The following SLC4A1 variants were observed in gnomAD, a reference collection of about 807,000 sequenced individuals.
SLC4A1 encodes solute carrier family 4 member 1 (Diego blood group).
In SLC4A1, 29 loss-of-function variants were observed where a neutral mutation model predicts 93.1. The ratio of observed to expected loss-of-function variants is 0.31; its 90% confidence interval spans 0.23 to 0.42. SLC4A1 has a LOEUF of 0.42. SLC4A1 is among the 20% of genes least tolerant of loss of function. SLC4A1 has a pLI of 1.00. For missense variants in SLC4A1, 965 were observed against 1,190.1 expected (o/e 0.81, Z 2.78); for synonymous variants, 469 against 497.2 (o/e 0.94, Z 0.76).
Position 44,259,271 on chromosome 17 carries a change from C to T in SLC4A1, c.768G>A (p.Val256=), listed in dbSNP as rs1304547781. The T allele has an allele frequency of 1.1e-5, 18 of 1,613,944 alleles. No homozygotes were observed. Among genetic ancestry groups the T allele is most frequent in the Non-Finnish European group, 1.5e-5 (18 of 1,180,040 alleles). Residue 256 remains valine, a synonymous_variant, in exon 9 of 20, where the codon GTG becomes GTA. Transcript: ENST00000262418. ...GGAAGCGTATAGGCACCGGCAGCTC[C>T]ACCGCCTCCAGCTCCGCTGCCTCCT... ...RLQEAAELEA[V]ELPVPIRFLF... is the part of the protein sequence containing the mutation.
At chr17:44,253,596 C>T (rs2047362449) in intron 16 of SLC4A1, among the ~76,000 whole-genome samples, 1 of 149,924 alleles carries the variant, frequency 6.7e-6, no homozygotes, top group Non-Finnish European at 1.5e-5. Flanking sequence ...AACGAAGCTT[C>T]AGCTTCAGGG....
rs1219684112 is a variant in SLC4A1 at position 44,257,706 on chromosome 17, C to A, written c.1384G>T (p.Val462Phe). 6.2e-7 allele frequency: 1 copy of A among 1,613,986 alleles called. No individual in the cohort carries two copies. Among genetic ancestry groups the A allele is most frequent in the South Asian group, 1.1e-5 (1 of 91,068 alleles). ...ACCAGCAGGGGTCCTGAGAAGCCGA[C>A]CACAAGCAGGGGCTGAGCCCCCAGC... is the stretch of plus-strand genomic sequence containing the variant. The part of the protein sequence containing the change: ...ALLGAQPLLV[V>F]GFSGPLLVFE... Residue 462 changes from valine (V) to phenylalanine (F), a missense_variant, in exon 12 of 20, where the codon GTC (valine) becomes TTC (phenylalanine). Around this residue, in one of 2 missense-constraint regions of SLC4A1, gnomAD observed 770 missense variants for 1,006.6 expected, o/e 0.76. Transcript: ENST00000262418.
At position 44,259,056 on chromosome 17, in the gene SLC4A1, G is replaced by A. The variant is rs2521602; in HGVS notation, c.876+107C>T. 31,797 of 1,199,730 alleles carry A rather than the reference G, an allele frequency of 0.027. 669 individuals carry two copies. The highest frequency in any genetic ancestry group is 0.079 in the East Asian group (3,135 of 39,924). 74.3% of individuals were successfully genotyped at this position (1,199,730 alleles called of 1,614,324 possible). A position where few individuals can be genotyped will look rare whatever the true frequency, so the allele number is the denominator to read the frequency against. On this transcript the variant is annotated intron_variant, in intron 9 of 19. Coordinates refer to ENST00000262418, the MANE Select transcript of SLC4A1 (RefSeq NM_000342.4). ...GCAGCAGCTGGATTAGGCTGAATGG[G>A]TCAAACCAGTGAACCTAAAGTAACC...
intron 6 of SLC4A1, 123 bp downstream of exon 6, chr17:44,260,281 G>A (rs997960655): frequency 3.7e-5 from 46 of 1,253,284 alleles, no homozygotes; most frequent in Non-Finnish European, 1.5e-5. Flanking sequence ...CCATAGTGGA[G>A]GAAAGTGGGC....
chr17:44,255,307 G>A lies in SLC4A1; in HGVS notation c.1801-11C>T, dbSNP rs1179419467. ...GATGACCCGACGCAGCTGGGGGCAG[G>A]TGAAAGGACCAGTGGTCAGTGCCCA... On this transcript the variant is annotated splice_polypyrimidine_tract_variant and intron_variant, in intron 14 of 19. Coordinates refer to ENST00000262418, the MANE Select transcript of SLC4A1 (RefSeq NM_000342.4). 3 of 1,550,602 alleles carry A rather than the reference G, an allele frequency of 1.9e-6. No homozygotes were observed. Among genetic ancestry groups the A allele is most frequent in the East Asian group, 2.4e-5 (1 of 41,336 alleles).
intron 1 of SLC4A1, among the ~76,000 whole-genome samples, chr17:44,264,724 A>C (rs935102607): frequency 4.6e-5 from 7 of 152,112 alleles, no homozygotes; most frequent in African/African-American, 1.7e-4. Flanking sequence ...CCCAGCCAAG[A>C]GGCCTCTGAG....
chr17:44,268,080 G>A lies in SLC4A1; in HGVS notation c.-95C>T. ...TGCTCACGAGCCTCAGGGTCCCTTG[G>A]TGAAGTCCTGCAGCCGCTGGTGCCC... On this transcript the variant is annotated 5_prime_UTR_variant, in exon 1 of 20. Coordinates refer to ENST00000262418, the MANE Select transcript of SLC4A1 (RefSeq NM_000342.4). 2.0e-6 allele frequency: 2 copies of A among 985,522 alleles called. No homozygotes were observed. Among genetic ancestry groups the A allele is most frequent in the Non-Finnish European group, 2.4e-6 (2 of 830,074 alleles). 61.0% of individuals were successfully genotyped at this position (985,522 alleles called of 1,614,324 possible). A position where few individuals can be genotyped will look rare whatever the true frequency, so the allele number is the denominator to read the frequency against.
Position 44,260,670 on chromosome 17 carries a change from C to G in SLC4A1, c.314G>C (p.Trp105Ser). 1 of 1,614,174 alleles carries G rather than the reference C, an allele frequency of 6.2e-7. No homozygotes were observed. Among genetic ancestry groups the G allele is most frequent in the South Asian group, 1.1e-5 (1 of 91,084 alleles). Residue 105 changes from tryptophan (W) to serine (S), a missense_variant, in exon 5 of 20, where the codon TGG (tryptophan) becomes TCG (serine). Physicochemically the swap from Trp to Ser is radical, Grantham distance 177 (BLOSUM62 -3). Transcript: ENST00000262418. ...GACTCTACGCAGCTCTAGGAGGCTC[C>G]AGAAGGTGAGGTGAGAGAGGTGCGG... ...GRPHLSHLTF[W>S]SLLELRRVFT... is the part of the protein sequence containing the mutation.
chr17:44,259,627 C>T (rs781060353), intron 7 of SLC4A1, 46 bp from the exon 8 acceptor site: 4 of 1,543,872 alleles, frequency 2.6e-6, no homozygotes, highest in Non-Finnish European at 3.6e-6. Context: ...CCAGTCTGAC[C>T]TGGGAGACCT....
rs761222442 is a variant in SLC4A1 at position 44,258,477 on chromosome 17, C to A, written c.1023G>T (p.Glu341Asp). 1 of 1,614,040 alleles carries A rather than the reference C, an allele frequency of 6.2e-7. No homozygotes were observed. The highest frequency in any genetic ancestry group is 1.1e-5 in the South Asian group (1 of 91,086). The part of the protein sequence containing the change: ...ALLSLVPVQR[E>D]LLRRRYQSSP... The stretch of plus-strand genomic sequence containing the variant: ...TGGACTGATAGCGCCTTCGAAGTAG[C>A]TCCCTCTGCACAGGCACCAGACTGA... Residue 341 changes from glutamate (E) to aspartate (D), a missense_variant, in exon 10 of 20, where the codon GAG becomes GAT. Transcript: ENST00000262418. The surrounding 1 kb of genome is among the most constrained non-coding windows in gnomAD (Gnocchi z 6.1).
intron 11 of SLC4A1, 77 bp downstream of exon 11, chr17:44,257,909 C>G: frequency 6.2e-7 from 1 of 1,607,494 alleles, no homozygotes; most frequent in Non-Finnish European, 8.5e-7. Flanking sequence ...GAGGGTCAGA[C>G]AGAGTCAGAA....
chr17:44,257,617 G>A lies in SLC4A1; in HGVS notation c.1431+42C>T, dbSNP rs373408295. On this transcript the variant is annotated intron_variant, in intron 12 of 19. Transcript: ENST00000262418. ...AGGCACCATGCATCAGGCAGGTGGT[G>A]CGGGGGACATGACAGGGTCAGTGGG... 5.0e-5 allele frequency: 81 copies of A among 1,613,318 alleles called. No individual in the cohort carries two copies. In the African/African-American group the frequency reaches 9.5e-4, roughly 19 times the overall value.
chr17:44,250,567 G>A (rs779539610), intron 19 of SLC4A1, 29 bp from the exon 20 acceptor site: 2 of 1,587,968 alleles, frequency 1.3e-6, no homozygotes, highest in African/African-American at 1.3e-5. Context: ...AGAGAGACAG[G>A]GTGAGAGACC....
intron 1 of SLC4A1, among the ~76,000 whole-genome samples, chr17:44,266,504 G>A (rs1169359453): frequency 6.6e-6 from 1 of 152,204 alleles, no homozygotes; most frequent in Non-Finnish European, 1.5e-5. Flanking sequence ...ACTGGCTGAA[G>A]GGCCTTGGGC....
chr17:44,261,900 G>A (rs1191163938), intron 3 of SLC4A1: 4 of 1,036,610 alleles, frequency 3.9e-6, no homozygotes, highest in South Asian at 1.6e-5. Flanking sequence ...TAGCCCCTCC[G>A]CAGTGATGAA....
chr17:44,253,409 C>T (rs765174066), intron 16 of SLC4A1, 38 bp from the exon 17 acceptor site: 1 of 1,590,702 alleles, frequency 6.3e-7, no homozygotes, highest in Admixed American at 1.7e-5. Flanking sequence ...CAGGGTTCTC[C>T]CCTGCCTCCT....
At chr17:44,262,524 G>GC (rs1166673790) in intron 3 of SLC4A1, 112 bp downstream of exon 3, 4 of 762,658 alleles carry the variant, frequency 5.2e-6, no homozygotes, top group African/African-American at 3.5e-5. Flanking sequence ...GGGGAGAACG[G>GC]CCCGTGGTGC....
chr17:44,255,119 G>A (rs1307248824), intron 15 of SLC4A1, 88 bp downstream of exon 15: 1 of 941,562 alleles, frequency 1.1e-6, no homozygotes, highest in Admixed American at 2.0e-5. Flanking sequence ...TCAGGTTGGG[G>A]AAAGCTATTC....
chr17:44,259,500 C>T lies in SLC4A1; in HGVS notation c.691G>A (p.Val231Met). The T allele has an allele frequency of 1.2e-6, 2 of 1,613,702 alleles. No individual in the cohort carries two copies. The highest frequency in any genetic ancestry group is 1.7e-6 in the Non-Finnish European group (2 of 1,179,580). The change falls in exon 8 of 20, where the codon GTG (valine) becomes ATG (methionine). Residue 231 changes from valine (V) to methionine (M), a missense_variant. By Grantham distance (21) the Val-to-Met change is conservative. Coordinates refer to ENST00000262418, the MANE Select transcript of SLC4A1 (RefSeq NM_000342.4). ...GGGTAGAGATGCCTGTTCTTACCCA[C>T]TAGCACCAACGTGGCCTCTGAATCC... ...PPDSEATLVL[V>M]GRADFLEQPV...
Sources: gnomAD v4.1 joint callset for allele counts (sites outside exome capture counted in the v4.1 genomes callset) on GRCh38, gnomAD v4.1.1 for gene constraint, gnomAD v4.1.1 regional missense constraint, Gnocchi (gnomAD v3.1) non-coding constraint, MANE v1.5 for transcripts, NCBI Gene and HGNC (gene_info 2026-07-23, HGNC 2026-07-21) for gene names.